PTPRA: variants seen among roughly 807,000 people sequenced by gnomAD.
PTPRA encodes the protein protein tyrosine phosphatase receptor type A, also known as receptor-type tyrosine-protein phosphatase alpha.
PTPRA carries 25 observed loss-of-function variants against 104.8 expected under a neutral mutation model. The ratio of observed to expected loss-of-function variants is 0.24; its 90% confidence interval spans 0.17 to 0.33. PTPRA has a LOEUF of 0.33. Among genes scored for constraint, PTPRA ranks in the 10% least tolerant of loss-of-function variants. The probability of loss-of-function intolerance (pLI) is 1.00; values close to 1 mark genes in which losing one functional copy is unlikely to be tolerated. For synonymous variants in PTPRA, 323 were observed against 368.9 expected, an observed-to-expected ratio of 0.88 and a Z score of 1.43; for missense variants, 765 against 1,015.3, an observed-to-expected ratio of 0.75 and a Z score of 3.35.
chr20:2,999,239 G>A (rs990006267), intron 9 of PTPRA, among the ~76,000 whole-genome samples: 6 of 152,110 alleles, frequency 3.9e-5, no homozygotes, highest in African/African-American at 1.4e-4. Context: ...GAAGAGATAG[G>A]ATCAATGGAT....
intron 6 of PTPRA, among the ~76,000 whole-genome samples, chr20:2,976,268 T>G (rs952655841): frequency 2.6e-5 from 4 of 152,220 alleles, no homozygotes; most frequent in African/African-American, 9.6e-5. Flanking sequence ...AATGTAGACT[T>G]AAATAGGTTT....
chr20:2,948,788 A>G (rs955137770), intron 3 of PTPRA, among the ~76,000 whole-genome samples: 7 of 151,668 alleles, frequency 4.6e-5, no homozygotes, highest in African/African-American at 1.7e-4. Context: ...TGTCTGTACT[A>G]AAAATAGAAA....
intron 1 of PTPRA, among the ~76,000 whole-genome samples, chr20:2,885,871 C>T (rs968105278): frequency 3.3e-5 from 5 of 152,190 alleles, no homozygotes; most frequent in African/African-American, 1.2e-4. Context: ...CGAGAACAGC[C>T]TGACCAACAT....
rs137878148 is a variant in PTPRA, at chr20:3,020,698, G to A, written c.1042-611G>A. ...CAGCGAGGAATACCTATTTGTTACCGTGTTTCTCAAGGATGGCCCTTGAGT... is the reference window on the plus strand; with the variant it reads ...CAGCGAGGAATACCTATTTGTTACCATGTTTCTCAAGGATGGCCCTTGAGT... On this transcript the variant is annotated intron_variant, in intron 13 of 23. Transcript: ENST00000399903. Among the ~76,000 whole-genome samples the A allele has an allele frequency of 6.1e-3, 926 of 152,334 alleles. 9 individuals are homozygous for A. Among genetic ancestry groups the A allele is most frequent in the African/African-American group, 0.021 (855 of 41,578 alleles).
chr20:2,937,127 C>CTTTT (rs5839977), intron 2 of PTPRA, among the ~76,000 whole-genome samples: 4 of 136,938 alleles, frequency 2.9e-5, no homozygotes, highest in Admixed American at 7.5e-5. Context: ...CTTTCTTCTT[C>CTTTT]TTTTTTTTTT....
At chr20:2,924,145 G>A (rs2060202390) in intron 2 of PTPRA, among the ~76,000 whole-genome samples, 1 of 152,178 alleles carries the variant, frequency 6.6e-6, no homozygotes, top group African/African-American at 2.4e-5. Context: ...ATGGTCAGGT[G>A]TGGTGGCTTA....
chr20:2,988,270 G>GT, intron 8 of PTPRA, 68 bp from the exon 9 acceptor site: 1 of 1,559,052 alleles, frequency 6.4e-7, no homozygotes, highest in Non-Finnish European at 8.6e-7. Flanking sequence ...GTAGAACCCC[G>GT]TTTAGCCTCC....
At chr20:2,924,793 G>A (rs1350834995) in intron 2 of PTPRA, among the ~76,000 whole-genome samples, 6 of 152,074 alleles carry the variant, frequency 3.9e-5, no homozygotes, top group Non-Finnish European at 7.4e-5. Flanking sequence ...CAATTCTCCT[G>A]CCTCAGCTTC....
At chr20:2,991,151 C>G (rs2063155940) in intron 9 of PTPRA, among the ~76,000 whole-genome samples, 1 of 152,068 alleles carries the variant, frequency 6.6e-6, no homozygotes, top group Non-Finnish European at 1.5e-5. Context: ...GCCAGGAGTT[C>G]AAGACTAGCC....
chr20:3,037,143 C>T lies in PTPRA; in HGVS notation c.2199-11C>T, dbSNP rs754103003. On this transcript the variant is annotated splice_polypyrimidine_tract_variant and intron_variant, in intron 22 of 23. Transcript: ENST00000399903. The surrounding 1 kb of genome is among the most constrained non-coding windows in gnomAD (Gnocchi z 4.3). ...ATCACAGGTGTGGTAAATGTGTCTG[C>T]TCTGTTGCAGCGCCGGGGCAGGAAG... 6.2e-7 allele frequency: 1 copy of T among 1,613,088 alleles called. No individual in the cohort carries two copies. Among genetic ancestry groups the T allele is most frequent in the Non-Finnish European group, 8.5e-7 (1 of 1,179,374 alleles).
chr20:2,972,067 C>T (rs1221024091), intron 5 of PTPRA, among the ~76,000 whole-genome samples: 1 of 152,108 alleles, frequency 6.6e-6, no homozygotes, highest in African/African-American at 2.4e-5. Context: ...CTCCTGACCC[C>T]ATGATCCTGC....
Position 2,930,406 on chromosome 20 carries a change from A to G in PTPRA, c.-50+7121A>G, listed in dbSNP as rs1408822334. Among the ~76,000 whole-genome samples, 5 of 152,334 alleles carry G rather than the reference A, an allele frequency of 3.3e-5. No homozygotes were observed. In the East Asian group the frequency reaches 9.6e-4, roughly 29 times the overall value. ...TTTGACTTTAACAGAGAGTGAGTTC[A>G]ACAGTGAAAGATGAGGTTGCAAATG... is the stretch of plus-strand genomic sequence containing the variant. On this transcript the variant is annotated intron_variant, in intron 2 of 23. Coordinates refer to ENST00000399903, the MANE Select transcript of PTPRA (RefSeq NM_001385305.1).
chr20:2,949,583 T>G (rs769500004), intron 3 of PTPRA, among the ~76,000 whole-genome samples: 4 of 152,154 alleles, frequency 2.6e-5, no homozygotes, highest in Admixed American at 2.6e-4. Flanking sequence ...TGAGCCACTG[T>G]GCCTGGCCAA....
chr20:2,986,441 A>G (rs1255092928), intron 6 of PTPRA, among the ~76,000 whole-genome samples: 2 of 152,186 alleles, frequency 1.3e-5, no homozygotes, highest in Non-Finnish European at 1.5e-5. Context: ...TTTAGGCTCA[A>G]AGGATATAGC....
chr20:2,964,031 C>T (rs764928771), intron 3 of PTPRA, among the ~76,000 whole-genome samples: 1 of 152,062 alleles, frequency 6.6e-6, no homozygotes, highest in African/African-American at 2.4e-5. Context: ...CAGAGCAAGA[C>T]CCTATCTCTT....
rs776054245 is a variant in PTPRA at position 3,017,894 on chromosome 20, A to G, written c.1022A>G (p.Asn341Ser). ...ACAGCCACCATCGTCATGGTTACCA[A>G]CCTGAAGGAGAGAAAGGAGGTAAGT... is the stretch of plus-strand genomic sequence containing the variant. ...QNTATIVMVT[N>S]LKERKECKCA... is the part of the protein sequence containing the mutation. Residue 341 changes from asparagine (N) to serine (S), a missense_variant, in exon 13 of 24, where the codon AAC (asparagine) becomes AGC (serine). Coordinates refer to ENST00000399903, the MANE Select transcript of PTPRA (RefSeq NM_001385305.1). The G allele has an allele frequency of 1.2e-6, 2 of 1,614,126 alleles. No individual in the cohort carries two copies. The highest frequency in any genetic ancestry group is 1.7e-6 in the Non-Finnish European group (2 of 1,179,956).
chr20:2,982,091 C>CT (rs11475103), intron 6 of PTPRA, among the ~76,000 whole-genome samples: 2,229 of 136,588 alleles, frequency 0.016, 37 homozygotes, highest in Non-Finnish European at 0.024. Flanking sequence ...TCTTCTTCTT[C>CT]TTTTTTTTTT....
chr20:2,980,036 C>A (rs1490937304), intron 6 of PTPRA, among the ~76,000 whole-genome samples: 1 of 152,114 alleles, frequency 6.6e-6, no homozygotes, highest in Non-Finnish European at 1.5e-5. Flanking sequence ...CCTCAGCCCC[C>A]AGAGTAGCTG....
chr20:2,865,262 G>C, the PTPRA span: 1 of 1,614,110 alleles, frequency 6.2e-7, no homozygotes, highest in Middle Eastern at 1.6e-4. This position sits in a 1 kb window ranked among gnomAD's most constrained non-coding sequence, Gnocchi z 5.2. Flanking sequence ...CATTCTTGGC[G>C]GTCACAACAA....
Sources: allele counts gnomAD v4.1 joint callset (sites outside exome capture counted in the v4.1 genomes callset), GRCh38; gene constraint gnomAD v4.1.1; non-coding constraint Gnocchi (gnomAD v3.1); transcripts MANE v1.5; gene names NCBI Gene and HGNC (gene_info 2026-07-23, HGNC 2026-07-21).